Variants in MFN2 observed in about 807,000 individuals in gnomAD.
The protein encoded by MFN2 is mitofusin-2.
Under a neutral mutation model 87.5 loss-of-function variants are expected in MFN2, and 43 were observed. That is an observed-to-expected ratio of 0.49 (90% CI 0.38 to 0.63). MFN2 has a LOEUF of 0.63. Among genes scored for constraint, MFN2 ranks in the 30% least tolerant of loss-of-function variants. MFN2 has a pLI of 0.00. For missense variants in MFN2, 743 were observed against 972.8 expected (o/e 0.76, Z 3.14); for synonymous variants, 337 against 359.9 (o/e 0.94, Z 0.72).
chr1:12,006,790 C>T, intron 16 of MFN2, 97 bp downstream of exon 16: 1 of 1,506,392 alleles, frequency 6.6e-7, no homozygotes, highest in East Asian at 2.3e-5. Flanking sequence ...TTGGGCCACA[C>T]TCCACAGTCC....
At chr1:11,994,004 C>T (rs1347684964) in intron 4 of MFN2, among the ~76,000 whole-genome samples, 1 of 152,194 alleles carries the variant, frequency 6.6e-6, no homozygotes, top group Non-Finnish European at 1.5e-5. Context: ...TAAAGGAACA[C>T]TTCCACAGCT....
chr1:12,007,481 T>G (rs976620108), intron 17 of MFN2, among the ~76,000 whole-genome samples: 5 of 152,160 alleles, frequency 3.3e-5, no homozygotes, highest in African/African-American at 1.2e-4. Flanking sequence ...GGCCCCTTGG[T>G]GAGGAAGAAA....
intron 3 of MFN2, among the ~76,000 whole-genome samples, chr1:11,991,941 AAAAAAAAAAAAG>A (rs1638700033): frequency 1.4e-5 from 2 of 145,942 alleles, no homozygotes; most frequent in Non-Finnish European, 3.0e-5. Context: ...AAAAAAAAAA[AAAAAAAAAAAAG>A]AAGTGACATA....
chr1:11,986,469 G>T (rs1638410010), intron 2 of MFN2, among the ~76,000 whole-genome samples: 1 of 152,128 alleles, frequency 6.6e-6, no homozygotes, highest in Admixed American at 6.5e-5. Flanking sequence ...GGTGGGCTCT[G>T]CTCAAGAAGT....
chr1:12,001,765 C>G lies in MFN2; in HGVS notation c.971-4C>G, dbSNP rs1639186081. On this transcript the variant is annotated splice_polypyrimidine_tract_variant and splice_region_variant and intron_variant, in intron 9 of 18. Coordinates refer to ENST00000235329, the MANE Select transcript of MFN2 (RefSeq NM_014874.4). ...TCTGGACTAATGCAGTACAATCCTCCTAGGGGGCGCTCTCGCAGAAGGCTT... is the reference window on the plus strand; with the variant it reads ...TCTGGACTAATGCAGTACAATCCTCGTAGGGGGCGCTCTCGCAGAAGGCTT... 1 of 1,613,924 alleles carries G rather than the reference C, an allele frequency of 6.2e-7. No homozygotes were observed. Among genetic ancestry groups the G allele is most frequent in the African/African-American group, 1.3e-5 (1 of 74,906 alleles).
chr1:12,011,933 C>T lies in MFN2; in HGVS notation c.*368C>T. 1 of 315,648 alleles carries T rather than the reference C, an allele frequency of 3.2e-6. No individual in the cohort carries two copies. Among genetic ancestry groups the T allele is most frequent in the Non-Finnish European group, 6.1e-6 (1 of 163,550 alleles). 19.6% of individuals were successfully genotyped at this position (315,648 alleles called of 1,614,324 possible). A position where few individuals can be genotyped will look rare whatever the true frequency, so the allele number is the denominator to read the frequency against. ...GAAGCCTTTGAGGGTATCACACAGA[C>T]ACCCCCACCTTCCTCCAGCCTGTGC... is the stretch of plus-strand genomic sequence containing the variant. On this transcript the variant is annotated 3_prime_UTR_variant, in exon 19 of 19. Coordinates refer to ENST00000235329, the MANE Select transcript of MFN2 (RefSeq NM_014874.4).
intron 14 of MFN2, among the ~76,000 whole-genome samples, chr1:12,005,326 A>G (rs551880142): frequency 1.3e-5 from 2 of 152,308 alleles, no homozygotes; most frequent in African/African-American, 4.8e-5. Context: ...CAAGTGATCT[A>G]TCTGCCTTGG....
intron 14 of MFN2, 76 bp from the exon 15 acceptor site, chr1:12,005,635 C>T: frequency 1.4e-6 from 2 of 1,432,454 alleles, no homozygotes; most frequent in East Asian, 2.3e-5. Flanking sequence ...CTGGTAGAGC[C>T]CTGTCTCCAA....
At position 12,005,693 on chromosome 1, in the gene MFN2, C is replaced by T. The variant is rs1639377395; in HGVS notation, c.1496-18C>T. ...GGGCTGAGCTGATAAGCTTTTCCTCCATTTCTCTTCCTGACAGATGGCTTG... is the reference window on the plus strand; with the variant it reads ...GGGCTGAGCTGATAAGCTTTTCCTCTATTTCTCTTCCTGACAGATGGCTTG... On this transcript the variant is annotated intron_variant, in intron 14 of 18. Coordinates refer to ENST00000235329, the MANE Select transcript of MFN2 (RefSeq NM_014874.4). The T allele has an allele frequency of 1.9e-6, 3 of 1,612,198 alleles. No homozygotes were observed. Among genetic ancestry groups the T allele is most frequent in the Middle Eastern group, 1.6e-4 (1 of 6,084 alleles).
intron 17 of MFN2, among the ~76,000 whole-genome samples, chr1:12,008,696 C>T (rs1037456357): frequency 4.0e-5 from 6 of 151,472 alleles, no homozygotes; most frequent in African/African-American, 1.2e-4. Context: ...GGATGGCGGC[C>T]GGGAAGAGGT....
chr1:12,000,122 G>A (rs1377756809), intron 8 of MFN2, among the ~76,000 whole-genome samples: 2 of 151,922 alleles, frequency 1.3e-5, no homozygotes, highest in African/African-American at 4.8e-5. Context: ...ACAAATAAAG[G>A]GTAATAAGAT....
chr1:12,002,718 A>G (rs913795643), intron 11 of MFN2, among the ~76,000 whole-genome samples: 4 of 152,222 alleles, frequency 2.6e-5, no homozygotes, highest in Non-Finnish European at 2.9e-5. Flanking sequence ...CCTTGCTTCT[A>G]TCACACAGAA....
In MFN2 at chr1:12,004,056, G is replaced by C. The variant is rs370736142; in HGVS notation, c.1225G>C (p.Glu409Gln). 1.3e-5 allele frequency: 21 copies of C among 1,614,056 alleles called. No homozygotes were observed. The African/African-American group carries it at 2.7e-4, about 21-fold the overall frequency. The change falls in exon 12 of 19, where the codon GAG becomes CAG. Residue 409 changes from glutamate (E) to glutamine (Q), a missense_variant. Transcript: ENST00000235329. The surrounding 1 kb of genome is among the most constrained non-coding windows in gnomAD (Gnocchi z 4.2). Reference sequence around the variant, plus strand: ...ACTGAAATTTATTGACAAACAGCTGGAGCTCTTGGCTCAAGACTATAAGCT... The same window carrying C: ...ACTGAAATTTATTGACAAACAGCTGCAGCTCTTGGCTCAAGACTATAAGCT... ...DRLKFIDKQL[E>Q]LLAQDYKLRI...
At chr1:11,983,826 T>G (rs910471810) in intron 2 of MFN2, among the ~76,000 whole-genome samples, 1 of 152,050 alleles carries the variant, frequency 6.6e-6, no homozygotes, top group Non-Finnish European at 1.5e-5. Flanking sequence ...TTGAGTTGGG[T>G]CTAGAAGGAC....
chr1:12,009,743 T>C lies in MFN2; in HGVS notation c.2204+17T>C. ...GCTGCTCAGGTGAGGCTGGCCCGTGTGGCCAAAGGTTAGGGCTCCAGGGTG... is the reference window on the plus strand; with the variant it reads ...GCTGCTCAGGTGAGGCTGGCCCGTGCGGCCAAAGGTTAGGGCTCCAGGGTG... On this transcript the variant is annotated intron_variant, in intron 18 of 18. Transcript: ENST00000235329. 1 of 1,614,110 alleles carries C rather than the reference T, an allele frequency of 6.2e-7. No homozygotes were observed. Among genetic ancestry groups the C allele is most frequent in the Non-Finnish European group, 8.5e-7 (1 of 1,180,004 alleles).
chr1:12,010,702 T>TA lies in MFN2; in HGVS notation c.2205-794_2205-793insA, dbSNP rs540487218. On this transcript the variant is annotated intron_variant, in intron 18 of 18. Transcript: ENST00000235329. ...AGCCACTCATGTTTGGCCCAAGCTC[T>TA]TAACTCTCCTGTGTCTCATTATTTT... Among the ~76,000 whole-genome samples the TA allele has an allele frequency of 1.7e-3, 262 of 152,344 alleles. 5 individuals carry two copies. The highest frequency in any genetic ancestry group is 2.4e-3 in the Non-Finnish European group (165 of 68,032).
Position 11,998,503 on chromosome 1 carries a change from G to T in MFN2, c.600-267G>T, listed in dbSNP as rs1454472559. Among the ~76,000 whole-genome samples, 2 of 152,058 alleles carry T rather than the reference G, an allele frequency of 1.3e-5. 1 individual carries two copies. Among genetic ancestry groups the T allele is most frequent in the Non-Finnish European group, 2.9e-5 (2 of 68,018 alleles). On this transcript the variant is annotated intron_variant, in intron 6 of 18. Transcript: ENST00000235329. The stretch of plus-strand genomic sequence containing the variant: ...GCGGAGGTTGCAGTGAGCCGAGATC[G>T]TGCCATTGCACTCCAGCCCGGGCGA...
At position 12,004,606 on chromosome 1, in the gene MFN2, A is replaced by G. The variant is rs2100849130; in HGVS notation, c.1385A>G (p.Tyr462Cys). Reference sequence around the variant, plus strand: ...CCTTCTCCAGTAGTCCTCAAGGTTTATAAGAATGTGAGTCATGGAGCAACA... The same window carrying G: ...CCTTCTCCAGTAGTCCTCAAGGTTTGTAAGAATGTGAGTCATGGAGCAACA... ...FHPSPVVLKV[Y>C]KNELHRHIEE... The change falls in exon 13 of 19, where the codon TAT becomes TGT. Residue 462 changes from tyrosine (Y) to cysteine (C), a missense_variant. Physicochemically the swap from Tyr to Cys is radical, Grantham distance 194. This residue lies in a region of MFN2 where 571 missense variants were observed against 670.7 expected (regional missense o/e 0.85). Coordinates refer to ENST00000235329, the MANE Select transcript of MFN2 (RefSeq NM_014874.4). This position sits in a 1 kb window ranked among gnomAD's most constrained non-coding sequence, Gnocchi z 4.2. 1.2e-6 allele frequency: 2 copies of G among 1,613,958 alleles called. No individual in the cohort carries two copies. Among genetic ancestry groups the G allele is most frequent in the Non-Finnish European group, 1.7e-6 (2 of 1,179,838 alleles).
At chr1:12,006,414 T>G (rs1253715563) in intron 15 of MFN2, 124 bp from the exon 16 acceptor site, 1 of 1,292,576 alleles carries the variant, frequency 7.7e-7, no homozygotes, top group African/African-American at 1.5e-5. Flanking sequence ...TGTCCCCTTT[T>G]TGCCTTTTGG....
Sources: allele counts gnomAD v4.1 joint callset (sites outside exome capture counted in the v4.1 genomes callset), GRCh38; gene constraint gnomAD v4.1.1; regional missense constraint gnomAD v4.1.1; non-coding constraint Gnocchi (gnomAD v3.1); transcripts MANE v1.5; gene names NCBI Gene and HGNC (gene_info 2026-07-23, HGNC 2026-07-21).